SOX6: variants seen among roughly 807,000 people sequenced by gnomAD.
SOX6 encodes transcription factor SOX-6.
In SOX6, 11 loss-of-function variants were observed where a neutral mutation model predicts 97.8. The observed-to-expected ratio is 0.11, with a 90% CI of 0.07 to 0.19. The LOEUF (loss-of-function observed/expected upper bound fraction) is 0.19. SOX6 is among the 10% of genes least tolerant of loss of function. The probability of loss-of-function intolerance (pLI) is 1.00; values close to 1 mark genes in which losing one functional copy is unlikely to be tolerated. For missense variants in SOX6, 810 were observed against 1,039.5 expected (o/e 0.78, Z 3.04); for synonymous variants, 360 against 371.4 (o/e 0.97, Z 0.35).
At chr11:16,219,068 A>T (rs184112137) in intron 4 of SOX6, among the ~76,000 whole-genome samples, 3 of 152,212 alleles carry the variant, frequency 2.0e-5, no homozygotes, top group East Asian at 3.9e-4. Context: ...CACTCATGGA[A>T]GAGAGAGTCT....
At chr11:16,503,823 T>A (rs1376181431) in intron 4 of SOX6, among the ~76,000 whole-genome samples, 1 of 152,118 alleles carries the variant, frequency 6.6e-6, no homozygotes. Flanking sequence ...GGTGGGCAGA[T>A]CACGAGGTCA....
At chr11:16,173,942 C>T (rs1025358605) in intron 6 of SOX6, among the ~76,000 whole-genome samples, 4 of 151,378 alleles carry the variant, frequency 2.6e-5, no homozygotes, top group Non-Finnish European at 5.9e-5. Context: ...AACTCCTGTG[C>T]TCAAGAGATC....
intron 4 of SOX6, among the ~76,000 whole-genome samples, chr11:16,227,748 T>C (rs986561879): frequency 1.3e-5 from 2 of 152,184 alleles, no homozygotes. Flanking sequence ...AGAAAACACA[T>C]ATTATCCTCT....
upstream of SOX6, among the ~76,000 whole-genome samples, chr11:16,357,153 C>T (rs925350144): frequency 2.0e-5 from 3 of 152,036 alleles, no homozygotes; most frequent in Non-Finnish European, 2.9e-5. Flanking sequence ...ATCATTGGCA[C>T]GAAAGGCTCA....
At chr11:16,363,754 T>A (rs556113820) in intron 1 of SOX6, among the ~76,000 whole-genome samples, 2 of 152,088 alleles carry the variant, frequency 1.3e-5, no homozygotes, top group African/African-American at 4.8e-5. Context: ...TAACACTTAG[T>A]TTTTCTCTAA....
intron 15 of SOX6, among the ~76,000 whole-genome samples, chr11:15,978,876 G>A (rs1340391307): frequency 2.4e-5 from 3 of 127,652 alleles, no homozygotes; most frequent in Non-Finnish European, 4.9e-5. Context: ...TAACATATAA[G>A]CATTATATAT....
At chr11:16,695,529 T>C (rs1249768783) in intron 3 of SOX6, among the ~76,000 whole-genome samples, 1 of 152,112 alleles carries the variant, frequency 6.6e-6, no homozygotes, top group Admixed American at 6.6e-5. Flanking sequence ...GTTGGATAAG[T>C]AACAGATTCA....
At chr11:16,457,197 T>A (rs539440282) in intron 1 of SOX6, among the ~76,000 whole-genome samples, 6 of 152,218 alleles carry the variant, frequency 3.9e-5, no homozygotes, top group African/African-American at 1.4e-4. Flanking sequence ...TAAAACTTAA[T>A]AATCCTAATA....
chr11:16,536,702 G>A (rs1861313933), intron 4 of SOX6, among the ~76,000 whole-genome samples: 1 of 152,346 alleles, frequency 6.6e-6, no homozygotes, highest in Admixed American at 6.5e-5. Context: ...ATCACTGCTA[G>A]CACAGCAGTC....
At chr11:16,056,704 G>T (rs2133922426) in intron 9 of SOX6, among the ~76,000 whole-genome samples, 1 of 152,042 alleles carries the variant, frequency 6.6e-6, no homozygotes, top group South Asian at 2.1e-4. Context: ...GTTCTCTTTG[G>T]CAAACCAATG....
chr11:15,989,210 A>C lies in SOX6; in HGVS notation c.1753T>G (p.Ser585Ala). The change falls in exon 14 of 16, where the codon TCT (serine) becomes GCT (alanine). Residue 585 changes from serine to alanine, a missense_variant. Coordinates refer to ENST00000683767, the MANE Select transcript of SOX6 (RefSeq NM_001367873.1). ...TAATACTGCTGTAGTTTAGCTGCAG[A>C]GCCATTCATTGCTTTACTTCCTGTA... The part of the protein sequence containing the change: ...DAEGSKAMNG[S>A]AAKLQQYYCW... The C allele has an allele frequency of 1.2e-6, 2 of 1,608,634 alleles. No individual in the cohort carries two copies. The highest frequency in any genetic ancestry group is 3.3e-5 in the Admixed American group (2 of 59,870).
At chr11:16,088,265 T>A (rs1244967360) in intron 9 of SOX6, among the ~76,000 whole-genome samples, 3 of 152,120 alleles carry the variant, frequency 2.0e-5, no homozygotes, top group Admixed American at 2.0e-4. Flanking sequence ...GGTATATTTG[T>A]TACAATTGAT....
At chr11:16,135,890 A>C (rs1849947860) in intron 6 of SOX6, among the ~76,000 whole-genome samples, 1 of 152,198 alleles carries the variant, frequency 6.6e-6, no homozygotes, top group Admixed American at 6.6e-5. Flanking sequence ...TTGATGCAGC[A>C]CTTTCATGGT....
At chr11:16,660,014 C>A (rs536261147) in intron 3 of SOX6, among the ~76,000 whole-genome samples, 1 of 151,856 alleles carries the variant, frequency 6.6e-6, no homozygotes, top group African/African-American at 2.4e-5. Context: ...CTTCTTTTTT[C>A]TTTGGTTAGA....
chr11:16,063,081 C>T (rs1590169719), intron 9 of SOX6, among the ~76,000 whole-genome samples: 2 of 151,728 alleles, frequency 1.3e-5, no homozygotes, highest in South Asian at 2.1e-4. Context: ...TATCCAGCAT[C>T]GATAAATTTG....
At chr11:16,171,757 C>G (rs910488257) in intron 6 of SOX6, among the ~76,000 whole-genome samples, 11 of 151,574 alleles carry the variant, frequency 7.3e-5, no homozygotes, top group African/African-American at 2.7e-4. Flanking sequence ...ATCCCTAAAG[C>G]CCTGAAAGAT....
chr11:16,066,343 G>A (rs1481688974), intron 9 of SOX6, among the ~76,000 whole-genome samples: 2 of 152,138 alleles, frequency 1.3e-5, no homozygotes, highest in African/African-American at 4.8e-5. Flanking sequence ...GCACAATTTG[G>A]AGGTTCCTCA....
At chr11:16,206,434 G>A (rs1852074252) in intron 4 of SOX6, among the ~76,000 whole-genome samples, 1 of 152,114 alleles carries the variant, frequency 6.6e-6, no homozygotes, top group African/African-American at 2.4e-5. Flanking sequence ...TTTGCATATT[G>A]TAATAATAAT....
At chr11:16,384,518 A>G (rs2079359821) in intron 1 of SOX6, among the ~76,000 whole-genome samples, 1 of 151,790 alleles carries the variant, frequency 6.6e-6, no homozygotes, top group Non-Finnish European at 1.5e-5. Flanking sequence ...ATCAACACAA[A>G]GCTTATAACA....
Sources: gnomAD v4.1 joint callset for allele counts (sites outside exome capture counted in the v4.1 genomes callset) on GRCh38, gnomAD v4.1.1 for gene constraint, MANE v1.5 for transcripts, NCBI Gene and HGNC (gene_info 2026-07-23, HGNC 2026-07-21) for gene names.